ADCY3: variants seen among roughly 807,000 people sequenced by gnomAD.
The protein encoded by ADCY3 is adenylate cyclase 3.
Under a neutral mutation model 119.4 loss-of-function variants are expected in ADCY3, and 70 were observed. That is an observed-to-expected ratio of 0.59 (90% confidence interval 0.48 to 0.72). The LOEUF (loss-of-function observed/expected upper bound fraction) is 0.72, where lower values mean the gene tolerates loss of function less well. Ranked by LOEUF, ADCY3 falls within the 30% of genes least tolerant of loss-of-function variation. The pLI is 0.00. For synonymous variants in ADCY3, 672 were observed against 621.4 expected (o/e 1.08, Z -1.21); for missense variants, 1,238 against 1,541.6 (o/e 0.80, Z 3.30).
At chr2:24,833,991 A>G (rs531169797) in intron 11 of ADCY3, among the ~76,000 whole-genome samples, 1 of 152,346 alleles carries the variant, frequency 6.6e-6, no homozygotes, top group East Asian at 1.9e-4. Context: ...ACCCTCAGAC[A>G]GGGCTTCACC....
chr2:24,911,179 A>T (rs1573060545), intron 2 of ADCY3, among the ~76,000 whole-genome samples: 1 of 151,172 alleles, frequency 6.6e-6, no homozygotes, highest in East Asian at 1.9e-4. Context: ...ACCCCGTTGG[A>T]ACTATCTCAA....
In ADCY3 at chr2:24,827,657, CT is replaced by C. The variant is rs1250740122; in HGVS notation, c.2433-50del. 2.6e-6 allele frequency: 4 copies of C among 1,553,994 alleles called. No homozygotes were observed. The African/African-American group carries it at 5.5e-5, about 21-fold the overall frequency. On this transcript the variant is annotated intron_variant, in intron 14 of 21. Coordinates refer to ENST00000679454, the MANE Select transcript of ADCY3 (RefSeq NM_004036.5). Reference sequence around the variant, plus strand: ...TCAGGCCCCATCTGGGAACAAGAGCCTGATGCCCAGCCAGGCACCGGGGTAT... The same window carrying C: ...TCAGGCCCCATCTGGGAACAAGAGCCGATGCCCAGCCAGGCACCGGGGTAT...
chr2:24,848,595 C>G (rs1254412647), intron 3 of ADCY3, among the ~76,000 whole-genome samples: 2 of 152,186 alleles, frequency 1.3e-5, no homozygotes, highest in African/African-American at 4.8e-5. Flanking sequence ...CTAAACCTCC[C>G]TGTGCCTTGG....
At chr2:24,879,737 C>A (rs190491981) in intron 2 of ADCY3, among the ~76,000 whole-genome samples, 51 of 152,296 alleles carry the variant, frequency 3.3e-4, no homozygotes, top group African/African-American at 1.2e-3. Context: ...AGCGCTGAGA[C>A]CGGAACCCAG....
chr2:24,856,465 A>AACC (rs1558460373), intron 3 of ADCY3, among the ~76,000 whole-genome samples: 1 of 152,124 alleles, frequency 6.6e-6, no homozygotes, highest in Non-Finnish European at 1.5e-5. Flanking sequence ...GCCAATTTGG[A>AACC]AGCCAAAAAG....
At chr2:24,915,894 AC>A (rs1664389647) in intron 2 of ADCY3, among the ~76,000 whole-genome samples, 1 of 151,988 alleles carries the variant, frequency 6.6e-6, no homozygotes. Flanking sequence ...GTTGAGGAAG[AC>A]CCTGGTGGGT....
At chr2:24,881,993 C>G (rs1360135446) in intron 2 of ADCY3, among the ~76,000 whole-genome samples, 9 of 152,324 alleles carry the variant, frequency 5.9e-5, no homozygotes, top group African/African-American at 2.2e-4. Flanking sequence ...TGGAACAACG[C>G]CTTCTTCCTT....
At chr2:24,875,136 A>G (rs192554452) in intron 2 of ADCY3, among the ~76,000 whole-genome samples, 6 of 140,586 alleles carry the variant, frequency 4.3e-5, no homozygotes, top group Non-Finnish European at 7.6e-5. Context: ...CATCCCTACC[A>G]GGGAACTCCC....
At chr2:24,845,926 G>A (rs966644623) in intron 3 of ADCY3, among the ~76,000 whole-genome samples, 1 of 152,278 alleles carries the variant, frequency 6.6e-6, no homozygotes, top group Non-Finnish European at 1.5e-5. Context: ...CAGAGCCTGG[G>A]CTGTGGCTTC....
At position 24,842,020 on chromosome 2, in the gene ADCY3, C is replaced by T. The variant is rs1671069349; in HGVS notation, c.956+234G>A. Among the ~76,000 whole-genome samples, 1 of 152,186 alleles carries T rather than the reference C, an allele frequency of 6.6e-6. No homozygotes were observed. Among genetic ancestry groups the T allele is most frequent in the African/African-American group, 2.4e-5 (1 of 41,446 alleles). On this transcript the variant is annotated intron_variant, in intron 4 of 21. Coordinates refer to ENST00000679454, the MANE Select transcript of ADCY3 (RefSeq NM_004036.5). This position sits in a 1 kb window ranked among gnomAD's most constrained non-coding sequence, Gnocchi z 4.9. Reference sequence around the variant, plus strand: ...CTGGGTGACCTCACAGGAGTCCCTTCCCCGCTCCAGGTGATATCTGTTCTA... The same window carrying T: ...CTGGGTGACCTCACAGGAGTCCCTTTCCCGCTCCAGGTGATATCTGTTCTA...
intron 9 of ADCY3, 110 bp from the exon 10 acceptor site, chr2:24,835,046 G>A (rs1031538720): frequency 1.5e-6 from 2 of 1,351,780 alleles, no homozygotes; most frequent in East Asian, 2.5e-5. Flanking sequence ...CATACTCGGA[G>A]GACCAATCCC....
intron 2 of ADCY3, chr2:24,877,821 C>A (rs1023920429): frequency 2.2e-5 from 10 of 462,800 alleles, no homozygotes; most frequent in South Asian, 1.6e-4. Context: ...TGGCCTGGGG[C>A]GAGACAGCTG....
At chr2:24,822,754 GTTAC>G (rs1262146345) in intron 18 of ADCY3, 124 bp from the exon 19 acceptor site, 7 of 1,324,552 alleles carry the variant, frequency 5.3e-6, no homozygotes, top group Non-Finnish European at 7.2e-6. Context: ...TATCAAAGTT[GTTAC>G]TTAGTCTACC....
chr2:24,903,154 A>C (rs1679106081), intron 2 of ADCY3, among the ~76,000 whole-genome samples: 1 of 151,638 alleles, frequency 6.6e-6, no homozygotes, highest in African/African-American at 2.4e-5. Context: ...ATCTCCAAAA[A>C]AAAAAAAAAA....
chr2:24,889,604 A>T (rs190198559), intron 2 of ADCY3, among the ~76,000 whole-genome samples: 30 of 152,350 alleles, frequency 2.0e-4, no homozygotes, highest in African/African-American at 6.7e-4. Context: ...TGGGAGGCTG[A>T]GGCGAGTGGG....
At chr2:24,874,996 T>A (rs1675497365) in intron 2 of ADCY3, among the ~76,000 whole-genome samples, 1 of 152,124 alleles carries the variant, frequency 6.6e-6, no homozygotes. Context: ...GTTGTTCTGG[T>A]GGGCTGCACA....
At chr2:24,823,829 C>T (rs764056456) in intron 17 of ADCY3, among the ~76,000 whole-genome samples, 2 of 151,976 alleles carry the variant, frequency 1.3e-5, no homozygotes, top group Non-Finnish European at 2.9e-5. Context: ...GTAGCTGGGA[C>T]GACAGGTGTG....
At chr2:24,893,950 T>C (rs1677975194) in intron 2 of ADCY3, among the ~76,000 whole-genome samples, 1 of 152,252 alleles carries the variant, frequency 6.6e-6, no homozygotes, top group African/African-American at 2.4e-5. Flanking sequence ...ATATTATCAA[T>C]ATGGCTATAT....
chr2:24,914,490 T>C (rs1664194454), intron 2 of ADCY3, among the ~76,000 whole-genome samples: 1 of 151,962 alleles, frequency 6.6e-6, no homozygotes, highest in Non-Finnish European at 1.5e-5. Context: ...CTGGCCAACA[T>C]GGTGAAATCC....
Sources: allele counts gnomAD v4.1 joint callset (sites outside exome capture counted in the v4.1 genomes callset), GRCh38; gene constraint gnomAD v4.1.1; non-coding constraint Gnocchi (gnomAD v3.1); transcripts MANE v1.5; gene names NCBI Gene and HGNC (gene_info 2026-07-23, HGNC 2026-07-21).